BAIAP2L1: variants seen among roughly 807,000 people sequenced by gnomAD.
BAIAP2L1 encodes BAR/IMD domain containing adaptor protein 2 like 1.
BAIAP2L1 carries 35 observed loss-of-function variants against 66.3 expected under a neutral mutation model. The ratio of observed to expected loss-of-function variants is 0.53; its 90% CI spans 0.40 to 0.70. The LOEUF (loss-of-function observed/expected upper bound fraction) is 0.70. Ranked by LOEUF, BAIAP2L1 falls within the 30% of genes least tolerant of loss-of-function variation. The pLI, the probability that BAIAP2L1 is intolerant of heterozygous loss-of-function variation, is 0.00. For synonymous variants in BAIAP2L1, 269 were observed against 248.7 expected (o/e 1.08, Z -0.77); for missense variants, 622 against 656.9 (o/e 0.95, Z 0.58).
chr7:98,325,950 C>T (rs1460439756), intron 3 of BAIAP2L1, among the ~76,000 whole-genome samples: 3 of 152,184 alleles, frequency 2.0e-5, no homozygotes, highest in African/African-American at 4.8e-5. Flanking sequence ...AGTCCCTGGA[C>T]GCAGTTGGAA....
intron 11 of BAIAP2L1, among the ~76,000 whole-genome samples, chr7:98,306,116 GGTAAGATAAGT>G (rs1800647296): frequency 6.6e-6 from 1 of 152,226 alleles, no homozygotes; most frequent in Non-Finnish European, 1.5e-5. Flanking sequence ...AGATAAGAAC[GGTAAGATAAGT>G]GTAAGATAAG....
intron 1 of BAIAP2L1, among the ~76,000 whole-genome samples, chr7:98,382,438 G>C (rs1802781040): frequency 6.6e-6 from 1 of 152,220 alleles, no homozygotes; most frequent in East Asian, 1.9e-4. Context: ...TTGAGGCCAG[G>C]AGTTTGAAAC....
rs549888851 is a variant in BAIAP2L1 at position 98,356,758 on chromosome 7, C to G, written c.128-1630G>C. 4.0e-5 allele frequency among the ~76,000 whole-genome samples: 6 copies of G among 149,098 alleles called. No homozygotes were observed. In the South Asian group the frequency reaches 8.5e-4, roughly 21 times the overall value. On this transcript the variant is annotated intron_variant, in intron 2 of 13. Coordinates refer to ENST00000005260, the MANE Select transcript of BAIAP2L1 (RefSeq NM_018842.5). ...TTGCGAGGCTGAGGTAGGAGGATCA[C>G]TTGAGCCCAAGAGTTTGAGACCAGC...
chr7:98,357,395 C>A (rs542410336), intron 2 of BAIAP2L1, among the ~76,000 whole-genome samples: 3 of 150,718 alleles, frequency 2.0e-5, no homozygotes, highest in Non-Finnish European at 3.0e-5. Flanking sequence ...GGTGAAATCC[C>A]GTCTCCACTA....
intron 1 of BAIAP2L1, among the ~76,000 whole-genome samples, chr7:98,370,678 T>A (rs1802491701): frequency 6.6e-6 from 1 of 151,502 alleles, no homozygotes; most frequent in African/African-American, 2.4e-5. Flanking sequence ...ATTTTTTGTA[T>A]TTTTAGTAGA....
intron 1 of BAIAP2L1, among the ~76,000 whole-genome samples, chr7:98,367,058 ATTT>A (rs71292948): frequency 6.2e-5 from 9 of 144,460 alleles, no homozygotes; most frequent in Non-Finnish European, 9.1e-5. Context: ...AGGTAATTAA[ATTT>A]TTTTTTTTTT....
At chr7:98,397,808 G>A (rs1803251929) in intron 1 of BAIAP2L1, among the ~76,000 whole-genome samples, 1 of 152,108 alleles carries the variant, frequency 6.6e-6, no homozygotes, top group African/African-American at 2.4e-5. Flanking sequence ...GGGATTTTTG[G>A]CTGAACTCTA....
chr7:98,372,113 T>C (rs1802523975), intron 1 of BAIAP2L1, among the ~76,000 whole-genome samples: 1 of 151,868 alleles, frequency 6.6e-6, no homozygotes, highest in African/African-American at 2.4e-5. Context: ...TTTCTTTTAG[T>C]AGTTCTGTAT....
chr7:98,392,576 T>C (rs1251925681), intron 1 of BAIAP2L1, among the ~76,000 whole-genome samples: 20 of 152,162 alleles, frequency 1.3e-4, no homozygotes. Flanking sequence ...ACTGCAACCA[T>C]GCCCATGGCT....
intron 3 of BAIAP2L1, among the ~76,000 whole-genome samples, chr7:98,334,712 C>CTTTTTTTTTTTTTTTTTT (rs1209868787): frequency 6.6e-6 from 1 of 151,680 alleles, no homozygotes; most frequent in African/African-American, 2.4e-5. Flanking sequence ...CGCCCAGCTA[C>CTTTTTTTTTTTTTTTTTT]TTTTTGTATT....
At chr7:98,320,367 G>A (rs1271590106) in intron 3 of BAIAP2L1, 69 bp from the exon 4 acceptor site, 1 of 1,251,820 alleles carries the variant, frequency 8.0e-7, no homozygotes, top group African/African-American at 1.5e-5. Flanking sequence ...TGGAGTTTTT[G>A]CTCTGTCGCC....
chr7:98,395,854 G>A (rs1196773984), intron 1 of BAIAP2L1, among the ~76,000 whole-genome samples: 3 of 152,034 alleles, frequency 2.0e-5, no homozygotes, highest in African/African-American at 7.3e-5. Context: ...AACACAGTGA[G>A]ACACCATCTC....
chr7:98,387,821 T>C (rs1009051063), intron 1 of BAIAP2L1, among the ~76,000 whole-genome samples: 1 of 152,132 alleles, frequency 6.6e-6, no homozygotes, highest in East Asian at 1.9e-4. Context: ...TAAGCTATGA[T>C]TGTGCCATTT....
chr7:98,326,228 G>A (rs887014248), intron 3 of BAIAP2L1, among the ~76,000 whole-genome samples: 1 of 152,196 alleles, frequency 6.6e-6, no homozygotes, highest in Non-Finnish European at 1.5e-5. Context: ...AGTGAGCCAT[G>A]ACTGTGCCAC....
chr7:98,399,439 T>C (rs1343287555), intron 1 of BAIAP2L1, among the ~76,000 whole-genome samples: 2 of 152,190 alleles, frequency 1.3e-5, no homozygotes, highest in Admixed American at 1.3e-4. Flanking sequence ...AATTCAGACC[T>C]TGAAAACCCA....
chr7:98,300,280 C>T (rs921765602), intron 12 of BAIAP2L1, among the ~76,000 whole-genome samples: 1 of 152,124 alleles, frequency 6.6e-6, no homozygotes, highest in African/African-American at 2.4e-5. Flanking sequence ...TCCCTGCTCC[C>T]GCCCTTGGAG....
chr7:98,340,615 C>T (rs1801719381), intron 3 of BAIAP2L1, among the ~76,000 whole-genome samples: 1 of 152,070 alleles, frequency 6.6e-6, no homozygotes, highest in South Asian at 2.1e-4. Flanking sequence ...AATTATAGTA[C>T]ATTGAGTATA....
chr7:98,328,550 G>A (rs572967814), intron 3 of BAIAP2L1, among the ~76,000 whole-genome samples: 15 of 152,084 alleles, frequency 9.9e-5, no homozygotes, highest in African/African-American at 3.1e-4. Flanking sequence ...GTCCAGACAC[G>A]TGGAGCAGAT....
intron 1 of BAIAP2L1, among the ~76,000 whole-genome samples, chr7:98,373,397 A>G (rs1562788925): frequency 6.6e-6 from 1 of 152,228 alleles, no homozygotes; most frequent in Non-Finnish European, 1.5e-5. Context: ...CTATTGGTCT[A>G]TATTAGCTAT....
Sources: allele counts gnomAD v4.1 joint callset (sites outside exome capture counted in the v4.1 genomes callset), GRCh38; gene constraint gnomAD v4.1.1; transcripts MANE v1.5; gene names NCBI Gene and HGNC (gene_info 2026-07-23, HGNC 2026-07-21).